PTPN13: variants seen among roughly 807,000 people sequenced by gnomAD.
PTPN13 encodes protein tyrosine phosphatase non-receptor type 13, also known as tyrosine-protein phosphatase non-receptor type 13.
In PTPN13, 191 loss-of-function variants were observed where a neutral mutation model predicts 284.0. That is an observed-to-expected ratio of 0.67 (90% CI 0.60 to 0.76). The LOEUF (loss-of-function observed/expected upper bound fraction) is 0.76. Ranked by LOEUF, PTPN13 falls within the 30% of genes least tolerant of loss-of-function variation. The pLI, the probability that PTPN13 is intolerant of heterozygous loss-of-function variation, is 0.00. For synonymous variants in PTPN13, 986 were observed against 1,022.3 expected (o/e 0.96, Z 0.68); for missense variants, 2,797 against 2,939.9 (o/e 0.95, Z 1.12).
chr4:86,780,283 C>A, intron 35 of PTPN13, 119 bp from the exon 36 acceptor site: 1 of 785,388 alleles, frequency 1.3e-6, no homozygotes, highest in Non-Finnish European at 2.2e-6. Context: ...GCCTGTGGTC[C>A]CAGCTCCTTG....
chr4:86,744,221 A>T (rs1385442722), intron 16 of PTPN13, among the ~76,000 whole-genome samples: 1 of 152,148 alleles, frequency 6.6e-6, no homozygotes, highest in South Asian at 2.1e-4. Context: ...CACAACTTCT[A>T]TTCAGCCTTT....
chr4:86,756,244 G>T (rs61160693), intron 20 of PTPN13, among the ~76,000 whole-genome samples: 1,984 of 151,980 alleles, frequency 0.013, 51 homozygotes, highest in African/African-American at 0.045. Flanking sequence ...ACTGATTTCA[G>T]TTCCTAATGT....
intron 10 of PTPN13, among the ~76,000 whole-genome samples, chr4:86,727,366 T>G (rs1033378547): frequency 2.0e-5 from 3 of 149,740 alleles, no homozygotes; most frequent in African/African-American, 4.9e-5. Context: ...TTCTATTCAT[T>G]GGAATAGTTT....
intron 10 of PTPN13, among the ~76,000 whole-genome samples, chr4:86,726,796 C>T (rs1734304423): frequency 6.7e-6 from 1 of 149,198 alleles, no homozygotes; most frequent in Non-Finnish European, 1.5e-5. Context: ...TAATTGAATA[C>T]CCTTTATTTC....
At chr4:86,742,915 C>G (rs893252721) in intron 16 of PTPN13, among the ~76,000 whole-genome samples, 1 of 152,174 alleles carries the variant, frequency 6.6e-6, no homozygotes, top group South Asian at 2.1e-4. Context: ...ATATATAGAA[C>G]GAGCTGTGAT....
chr4:86,641,600 A>G lies in PTPN13; in HGVS notation c.115+6229A>G, dbSNP rs528376417. Among the ~76,000 whole-genome samples, 14 of 152,328 alleles carry G rather than the reference A, an allele frequency of 9.2e-5. No individual in the cohort carries two copies. The South Asian group carries it at 2.3e-3, about 25-fold the overall frequency. ...AAGCATGGCCTTGTTGAAAGACACC[A>G]TCTTCAAATGAACTTCTCTTCAGAG... On this transcript the variant is annotated intron_variant, in intron 2 of 47. Coordinates refer to ENST00000411767, the MANE Select transcript of PTPN13 (RefSeq NM_080683.3).
intron 6 of PTPN13, among the ~76,000 whole-genome samples, chr4:86,694,692 T>C (rs1403268336): frequency 1.3e-5 from 2 of 152,056 alleles, no homozygotes; most frequent in African/African-American, 2.4e-5. Flanking sequence ...GCATGGCTTA[T>C]TTATAAAATA....
chr4:86,697,900 TCTAAAATTTAA>T (rs1009341002), intron 6 of PTPN13, among the ~76,000 whole-genome samples: 6 of 152,192 alleles, frequency 3.9e-5, no homozygotes, highest in Admixed American at 3.9e-4. Context: ...GGAAGTTTTT[TCTAAAATTTAA>T]CTAAAATAAA....
At chr4:86,648,377 C>CATACT (rs2148793826) in intron 2 of PTPN13, among the ~76,000 whole-genome samples, 1 of 152,226 alleles carries the variant, frequency 6.6e-6, no homozygotes, top group Admixed American at 6.5e-5. Flanking sequence ...ATCCCCCCTC[C>CATACT]ATACTATCTT....
Position 86,734,749 on chromosome 4 carries a change from G to T in PTPN13, c.2025G>T (p.Thr675=), listed in dbSNP as rs373220144. The T allele has an allele frequency of 1.9e-6, 3 of 1,610,898 alleles. No individual in the cohort carries two copies. Among genetic ancestry groups the T allele is most frequent in the South Asian group, 2.2e-5 (2 of 90,664 alleles). Residue 675 remains threonine, a synonymous_variant, in exon 14 of 48, where the codon ACG becomes ACT. Coordinates refer to ENST00000411767, the MANE Select transcript of PTPN13 (RefSeq NM_080683.3). The stretch of plus-strand genomic sequence containing the variant: ...TTTGTTTTTTCAGACATACTCTGAC[G>T]TGTCATCAGTATTACCTTCAGCTTC... ...DDVSLIQHTL[T]CHQYYLQLRK...
intron 5 of PTPN13, among the ~76,000 whole-genome samples, chr4:86,691,523 T>G (rs1338360515): frequency 1.3e-5 from 2 of 152,184 alleles, no homozygotes; most frequent in Non-Finnish European, 2.9e-5. Context: ...TAGACATCAC[T>G]GGGTAGAAGT....
intron 15 of PTPN13, among the ~76,000 whole-genome samples, chr4:86,740,604 A>G (rs773295490): frequency 3.3e-5 from 5 of 152,194 alleles, no homozygotes; most frequent in Non-Finnish European, 5.9e-5. Flanking sequence ...CATGCCCTGG[A>G]AACCTTTTCC....
intron 19 of PTPN13, among the ~76,000 whole-genome samples, chr4:86,751,579 C>A: frequency 6.6e-6 from 1 of 152,162 alleles, no homozygotes; most frequent in East Asian, 1.9e-4. Flanking sequence ...CTTGGCCTCC[C>A]AAAGTGCTGA....
intron 40 of PTPN13, among the ~76,000 whole-genome samples, chr4:86,790,680 A>T (rs1161740842): frequency 6.6e-6 from 1 of 152,136 alleles, no homozygotes; most frequent in African/African-American, 2.4e-5. Flanking sequence ...GTAGGAAGAG[A>T]TGAGTGATTT....
intron 2 of PTPN13, among the ~76,000 whole-genome samples, chr4:86,660,913 TC>T (rs1440248800): frequency 6.6e-6 from 1 of 152,158 alleles, no homozygotes; most frequent in Admixed American, 6.6e-5. Context: ...CTACAGTTCA[TC>T]TTCTCTAGTC....
intron 3 of PTPN13, among the ~76,000 whole-genome samples, chr4:86,680,709 A>C (rs1467408632): frequency 1.3e-5 from 2 of 152,142 alleles, no homozygotes; most frequent in Non-Finnish European, 2.9e-5. Flanking sequence ...CAGATTCCTT[A>C]ACCAAACATG....
chr4:86,648,243 T>C (rs1434804627), intron 2 of PTPN13, among the ~76,000 whole-genome samples: 1 of 152,140 alleles, frequency 6.6e-6, no homozygotes, highest in Non-Finnish European at 1.5e-5. Context: ...CAAATTCTAC[T>C]CTTTTAGTTA....
At chr4:86,703,929 A>G (rs547559638) in intron 7 of PTPN13, among the ~76,000 whole-genome samples, 3 of 152,122 alleles carry the variant, frequency 2.0e-5, no homozygotes, top group South Asian at 2.1e-4. Flanking sequence ...TCCTGGCACT[A>G]TGGCAGGCTG....
In PTPN13 at chr4:86,750,517, G is replaced by A; in HGVS notation, c.2698G>A (p.Gly900Arg). 2 of 1,613,930 alleles carry A rather than the reference G, an allele frequency of 1.2e-6. No homozygotes were observed. Among genetic ancestry groups the A allele is most frequent in the South Asian group, 2.2e-5 (2 of 91,060 alleles). ...GAATCTCCAAGCAGAGTCTGTTAGA[G>A]GATTTAATATGGGACGAGCAATCAG... ...SLNLQAESVRGFNMGRAISTG... is the reference protein window; with the variant it reads ...SLNLQAESVRRFNMGRAISTG... Residue 900 changes from glycine (G) to arginine (R), a missense_variant, in exon 18 of 48, where the codon GGA (glycine) becomes AGA (arginine). Gly to Arg is a moderately radical substitution (Grantham distance 125). Coordinates refer to ENST00000411767, the MANE Select transcript of PTPN13 (RefSeq NM_080683.3).
Sources: gnomAD v4.1 joint callset for allele counts (sites outside exome capture counted in the v4.1 genomes callset) on GRCh38, gnomAD v4.1.1 for gene constraint, MANE v1.5 for transcripts, NCBI Gene and HGNC (gene_info 2026-07-23, HGNC 2026-07-21) for gene names.